PREP: variants seen among roughly 807,000 people sequenced by gnomAD.
PREP encodes dJ355L5.1 (prolyl endopeptidase).
Under a neutral mutation model 87.6 loss-of-function variants are expected in PREP, and 29 were observed. That is an observed-to-expected ratio of 0.33 (90% CI 0.25 to 0.45). The LOEUF is 0.45. Ranked by LOEUF, PREP falls within the 20% of genes least tolerant of loss-of-function variation. PREP has a pLI of 1.00. For synonymous variants in PREP, 337 were observed against 328.6 expected (o/e 1.03, Z -0.28); for missense variants, 695 against 886.5 (o/e 0.78, Z 2.74).
intron 6 of PREP, among the ~76,000 whole-genome samples, chr6:105,363,549 G>C (rs59505217): frequency 0.029 from 4,430 of 152,244 alleles, 236 homozygotes; most frequent in African/African-American, 0.1. Context: ...GGGGCACAAG[G>C]GAGCTCTTGT....
intron 8 of PREP, among the ~76,000 whole-genome samples, chr6:105,331,563 C>T (rs938318358): frequency 6.6e-6 from 1 of 152,278 alleles, no homozygotes; most frequent in African/African-American, 2.4e-5. Context: ...GATGCAGCAA[C>T]GCATGAGGTC....
Position 105,273,322 on chromosome 6 carries a change from T to G in PREP, c.*4822A>C, listed in dbSNP as rs1447404565. 6.6e-6 allele frequency: 1 copy of G among 152,234 alleles called. No individual in the cohort carries two copies. The highest frequency in any genetic ancestry group is 1.9e-4 in the East Asian group (1 of 5,202). 9.4% of individuals were successfully genotyped at this position (152,234 alleles called of 1,614,324 possible). On this transcript the variant is annotated 3_prime_UTR_variant, in exon 15 of 15. Coordinates refer to ENST00000652536, the MANE Select transcript of PREP (RefSeq NM_002726.5). ...TTCAAGTGTACAATTCAATGACTTT[T>G]TAATACATTTACCAGGTTGTGCAAC...
rs72938040 is a variant in PREP, at chr6:105,274,051, A to G, written c.*4093T>C. ...CTCTTTTTATTCCTGTTTCTTGTTA[A>G]TTCCTGAAATTATACTTTGTTTATT... On this transcript the variant is annotated 3_prime_UTR_variant, in exon 15 of 15. Transcript: ENST00000652536. Among the ~76,000 whole-genome samples the G allele has an allele frequency of 0.07, 10,601 of 152,174 alleles. 457 individuals carry two copies. Among genetic ancestry groups the G allele is most frequent in the Admixed American group, 0.12 (1,841 of 15,278 alleles).
At chr6:105,302,149 A>G (rs373070724) in intron 10 of PREP, among the ~76,000 whole-genome samples, 12 of 152,168 alleles carry the variant, frequency 7.9e-5, no homozygotes, top group African/African-American at 2.9e-4. Context: ...AGACATTTTC[A>G]TTAAAAGTGA....
chr6:105,317,457 C>G (rs1256412233), intron 10 of PREP, among the ~76,000 whole-genome samples: 1 of 152,130 alleles, frequency 6.6e-6, no homozygotes, highest in African/African-American at 2.4e-5. Context: ...AATAAGAGGG[C>G]TCCATTAGAT....
At chr6:105,377,614 T>C in intron 2 of PREP, 95 bp from the exon 3 acceptor site, 8 of 1,360,692 alleles carry the variant, frequency 5.9e-6, no homozygotes, top group Non-Finnish European at 7.1e-6. Flanking sequence ...GCACACTTTG[T>C]CTCTTAGCCA....
chr6:105,350,029 C>A (rs183692201), intron 7 of PREP, among the ~76,000 whole-genome samples: 21 of 151,712 alleles, frequency 1.4e-4, no homozygotes, highest in African/African-American at 4.8e-4. Flanking sequence ...ACAGTCTTCT[C>A]TTTTGTGATT....
intron 6 of PREP, among the ~76,000 whole-genome samples, chr6:105,358,932 TAA>T (rs1226964799): frequency 6.6e-6 from 1 of 152,198 alleles, no homozygotes; most frequent in Non-Finnish European, 1.5e-5. Context: ...AGCCTTTTCA[TAA>T]AAGTGTATTC....
chr6:105,334,988 A>T (rs2114661131), intron 7 of PREP, among the ~76,000 whole-genome samples: 1 of 152,300 alleles, frequency 6.6e-6, no homozygotes, highest in Non-Finnish European at 1.5e-5. Flanking sequence ...AGTGGCAGGT[A>T]ACTTGAAACA....
intron 10 of PREP, among the ~76,000 whole-genome samples, chr6:105,323,287 A>G (rs188152900): frequency 1.6e-4 from 25 of 152,308 alleles, no homozygotes; most frequent in African/African-American, 4.8e-4. Flanking sequence ...ACAGCACTTA[A>G]GTCCATACTT....
chr6:105,352,471 C>T (rs1362284634), intron 7 of PREP, among the ~76,000 whole-genome samples: 4 of 152,156 alleles, frequency 2.6e-5, no homozygotes, highest in African/African-American at 7.2e-5. Context: ...CTAGCCAATT[C>T]CCATTGGTCT....
At chr6:105,377,988 G>A (rs891181143) in intron 2 of PREP, among the ~76,000 whole-genome samples, 1 of 152,194 alleles carries the variant, frequency 6.6e-6, no homozygotes, top group African/African-American at 2.4e-5. Context: ...CATTTACGCA[G>A]TGCCATGGTT....
intron 7 of PREP, among the ~76,000 whole-genome samples, chr6:105,338,218 CT>C (rs889919901): frequency 1.4e-4 from 22 of 152,292 alleles, no homozygotes; most frequent in East Asian, 1.2e-3. Context: ...GATGTGAAAC[CT>C]TTATTTCACA....
chr6:105,392,423 C>T (rs1773177317), intron 2 of PREP, among the ~76,000 whole-genome samples: 1 of 152,270 alleles, frequency 6.6e-6, no homozygotes, highest in Admixed American at 6.5e-5. Flanking sequence ...CCATTTATAC[C>T]AGTGAAATTA....
At chr6:105,372,147 A>G (rs762740491) in intron 5 of PREP, among the ~76,000 whole-genome samples, 3 of 152,200 alleles carry the variant, frequency 2.0e-5, no homozygotes, top group African/African-American at 4.8e-5. Context: ...AAGGCAGAAA[A>G]AGCTAAACAT....
intron 10 of PREP, among the ~76,000 whole-genome samples, chr6:105,295,631 T>A (rs1042853847): frequency 2.6e-5 from 4 of 152,064 alleles, no homozygotes; most frequent in African/African-American, 9.7e-5. Flanking sequence ...CCTGCCTCTA[T>A]CCTGTTGGTG....
chr6:105,324,754 C>T (rs1049912708), intron 9 of PREP, among the ~76,000 whole-genome samples: 1 of 152,162 alleles, frequency 6.6e-6, no homozygotes, highest in African/African-American at 2.4e-5. Flanking sequence ...TTCTCGACTC[C>T]TCTGTGTATG....
intron 10 of PREP, among the ~76,000 whole-genome samples, chr6:105,313,442 A>T (rs150532427): frequency 1.1e-4 from 16 of 152,342 alleles, no homozygotes; most frequent in Non-Finnish European, 2.2e-4. Flanking sequence ...TTGCTGGCAA[A>T]CTAAAATGTT....
At position 105,379,839 on chromosome 6, in the gene PREP, C is replaced by T. The variant is rs9486072; in HGVS notation, c.121-2320G>A. 5.1e-3 allele frequency among the ~76,000 whole-genome samples: 778 copies of T among 152,322 alleles called. 8 individuals are homozygous for T. Among genetic ancestry groups the T allele is most frequent in the African/African-American group, 0.018 (748 of 41,574 alleles). On this transcript the variant is annotated intron_variant, in intron 2 of 14. Coordinates refer to ENST00000652536, the MANE Select transcript of PREP (RefSeq NM_002726.5). ...CACGGAGCTCATGCTACTGGGGACA[C>T]ACCCACAAAAAGCCAGAGGGTTGCA...
Sources: gnomAD v4.1 joint callset for allele counts (sites outside exome capture counted in the v4.1 genomes callset) on GRCh38, gnomAD v4.1.1 for gene constraint, MANE v1.5 for transcripts, NCBI Gene and HGNC (gene_info 2026-07-23, HGNC 2026-07-21) for gene names.